The following ABI1 variants were observed in gnomAD, a reference collection of about 807,000 sequenced individuals.
The protein encoded by ABI1 is abl interactor 1.
A neutral mutation model predicts 54.6 loss-of-function variants in ABI1; 14 were observed. That is an observed-to-expected ratio of 0.26 (90% CI 0.17 to 0.40). The LOEUF is 0.40. ABI1 is among the 10% of genes least tolerant of loss of function. The pLI, the probability that ABI1 is intolerant of heterozygous loss-of-function variation, is 1.00. For missense variants in ABI1, 443 were observed against 598.3 expected (o/e 0.74, Z 2.71); for synonymous variants, 194 against 209.3 (o/e 0.93, Z 0.63).
chr10:26,812,570 G>T (rs1458999387), intron 2 of ABI1, among the ~76,000 whole-genome samples: 1 of 152,178 alleles, frequency 6.6e-6, no homozygotes, highest in Non-Finnish European at 1.5e-5. Flanking sequence ...ACATAAGAGG[G>T]CTATATTAGT....
intron 1 of ABI1, among the ~76,000 whole-genome samples, chr10:26,829,363 T>C (rs1387722241): frequency 6.6e-6 from 1 of 152,164 alleles, no homozygotes; most frequent in Non-Finnish European, 1.5e-5. Flanking sequence ...CGTATAGTGA[T>C]GCACCTAAAA....
At chr10:26,757,399 T>A (rs550404490) in intron 8 of ABI1, among the ~76,000 whole-genome samples, 2 of 134,056 alleles carry the variant, frequency 1.5e-5, no homozygotes, top group Non-Finnish European at 3.1e-5. Flanking sequence ...TATAAAACTA[T>A]GTATTATATA....
chr10:26,840,809 A>T (rs1283345835), intron 1 of ABI1, among the ~76,000 whole-genome samples: 2 of 152,200 alleles, frequency 1.3e-5, no homozygotes, highest in East Asian at 3.8e-4. Flanking sequence ...CAAATAGGTA[A>T]TTTAATCACT....
Position 26,859,857 on chromosome 10 carries a change from G to T in ABI1, c.117+890C>A, listed in dbSNP as rs2051151225. 2.0e-5 allele frequency among the ~76,000 whole-genome samples: 3 copies of T among 152,146 alleles called. No individual in the cohort carries two copies. The South Asian group carries it at 6.2e-4, about 31-fold the overall frequency. ...GTTACTTATGAAGCCTACAGCTCAA[G>T]AACTTTTGGGAGAAGGGAGGGTAAG... On this transcript the variant is annotated intron_variant, in intron 1 of 10. Transcript: ENST00000376140.
At chr10:26,766,244 C>T (rs964687831) in intron 6 of ABI1, among the ~76,000 whole-genome samples, 1 of 152,166 alleles carries the variant, frequency 6.6e-6, no homozygotes, top group Non-Finnish European at 1.5e-5. Flanking sequence ...TAACCAACTC[C>T]TCGCTATTCT....
intron 1 of ABI1, among the ~76,000 whole-genome samples, chr10:26,850,774 G>A (rs998767991): frequency 1.3e-5 from 2 of 152,078 alleles, no homozygotes; most frequent in Admixed American, 6.6e-5. Flanking sequence ...TCTTATGTCT[G>A]AGGCACCTGT....
At chr10:26,850,197 A>G (rs923423478) in intron 1 of ABI1, among the ~76,000 whole-genome samples, 2 of 152,246 alleles carry the variant, frequency 1.3e-5, no homozygotes, top group African/African-American at 2.4e-5. Context: ...AATGTAAAAT[A>G]ATGTTACTCT....
chr10:26,802,623 GA>G (rs890193117), intron 2 of ABI1, among the ~76,000 whole-genome samples: 1 of 152,156 alleles, frequency 6.6e-6, no homozygotes, highest in African/African-American at 2.4e-5. Context: ...GGGGAAAGGG[GA>G]AAACATGGTA....
At chr10:26,843,432 T>C (rs1476824520) in intron 1 of ABI1, among the ~76,000 whole-genome samples, 3 of 104,022 alleles carry the variant, frequency 2.9e-5, no homozygotes, top group Non-Finnish European at 3.7e-5. Flanking sequence ...CCAGCCTTTA[T>C]GACATAGCAA....
intron 2 of ABI1, among the ~76,000 whole-genome samples, chr10:26,808,550 C>T (rs1588941149): frequency 6.6e-6 from 1 of 151,946 alleles, no homozygotes; most frequent in Non-Finnish European, 1.5e-5. Context: ...GGTGAGACCC[C>T]ATTTCTGCAA....
intron 2 of ABI1, among the ~76,000 whole-genome samples, chr10:26,792,065 T>C (rs536537599): frequency 1.3e-5 from 2 of 152,274 alleles, no homozygotes; most frequent in African/African-American, 4.8e-5. Flanking sequence ...AATTAAACAA[T>C]AATTGTTTAG....
At chr10:26,760,888 CAAAAAAAAAAAAAAA>C (rs57750390) in intron 7 of ABI1, among the ~76,000 whole-genome samples, 2 of 49,442 alleles carry the variant, frequency 4.0e-5, no homozygotes, top group Non-Finnish European at 7.5e-5. Flanking sequence ...GACTCCATCT[CAAAAAAAAAAAAAAA>C]AAAAAAAAAA....
At chr10:26,820,445 C>A (rs1472633285) in intron 2 of ABI1, among the ~76,000 whole-genome samples, 7 of 151,926 alleles carry the variant, frequency 4.6e-5, no homozygotes, top group African/African-American at 1.7e-4. Context: ...CCTTGCAAAA[C>A]CTGAAAATAC....
intron 4 of ABI1, 137 bp downstream of exon 4, chr10:26,770,938 G>A: frequency 1.2e-6 from 1 of 844,882 alleles, no homozygotes; most frequent in Admixed American, 2.3e-5. Flanking sequence ...AACTGAACTT[G>A]AGTATTAAAT....
intron 2 of ABI1, among the ~76,000 whole-genome samples, chr10:26,805,495 A>G (rs2046823832): frequency 6.6e-6 from 1 of 152,182 alleles, no homozygotes; most frequent in African/African-American, 2.4e-5. Flanking sequence ...AGGACACAAC[A>G]AAGAAATGGT....
intron 2 of ABI1, among the ~76,000 whole-genome samples, chr10:26,782,393 T>C (rs1588860902): frequency 6.7e-6 from 1 of 150,318 alleles, no homozygotes; most frequent in East Asian, 1.9e-4. Context: ...GACTCAAAAA[T>C]GGGCAAAAGA....
At chr10:26,777,008 T>A in intron 3 of ABI1, 57 bp downstream of exon 3, 1 of 1,387,880 alleles carries the variant, frequency 7.2e-7, no homozygotes, top group South Asian at 1.5e-5. Flanking sequence ...ATATTTCCTA[T>A]CCAAAATATT....
intron 3 of ABI1, among the ~76,000 whole-genome samples, chr10:26,775,660 A>G (rs1472036003): frequency 6.6e-6 from 1 of 152,214 alleles, no homozygotes; most frequent in Non-Finnish European, 1.5e-5. Context: ...TCCTTGTAAA[A>G]TTTGGATTCA....
rs2046541150 is a variant in ABI1 at position 26,801,309 on chromosome 10, G to A, written c.285+21829C>T. On this transcript the variant is annotated intron_variant, in intron 2 of 10. Transcript: ENST00000376140. ...ATACCTATAATCCCAGCACTTTGGA[G>A]GCCAAGGCAGGCGGATCACTTGAGC... is the stretch of plus-strand genomic sequence containing the variant. Among the ~76,000 whole-genome samples the A allele has an allele frequency of 2.0e-5, 3 of 152,040 alleles. 1 individual carries two copies. The highest frequency in any genetic ancestry group is 2.4e-5 in the African/African-American group (1 of 41,374).
Sources: allele counts gnomAD v4.1 joint callset (sites outside exome capture counted in the v4.1 genomes callset), GRCh38; gene constraint gnomAD v4.1.1; transcripts MANE v1.5; gene names NCBI Gene and HGNC (gene_info 2026-07-23, HGNC 2026-07-21).